Variants in DLG2 observed in about 807,000 individuals in gnomAD.
DLG2 encodes the protein discs large MAGUK scaffold protein 2, also known as disks large homolog 2.
Under a neutral mutation model 132.5 loss-of-function variants are expected in DLG2, and 45 were observed. That is an observed-to-expected ratio of 0.34 (90% confidence interval 0.27 to 0.44). The LOEUF is 0.44. Among genes scored for constraint, DLG2 ranks in the 20% least tolerant of loss-of-function variants. The pLI is 1.00. For synonymous variants in DLG2, 424 were observed against 419.6 expected (o/e 1.01, Z -0.13); for missense variants, 1,045 against 1,196.9 (o/e 0.87, Z 1.87).
chr11:84,185,468 T>G (rs1164935816), intron 8 of DLG2, among the ~76,000 whole-genome samples: 2 of 152,226 alleles, frequency 1.3e-5, no homozygotes, highest in African/African-American at 4.8e-5. Context: ...AAGGAGATTT[T>G]GGGCTGAGAC....
chr11:85,141,976 A>G (rs2076516396), intron 5 of DLG2, among the ~76,000 whole-genome samples: 2 of 151,954 alleles, frequency 1.3e-5, no homozygotes, highest in African/African-American at 4.8e-5. Flanking sequence ...TATAATTTAA[A>G]GTCAGGTAAT....
At chr11:83,998,590 A>C (rs1318668563) in intron 11 of DLG2, among the ~76,000 whole-genome samples, 2 of 152,210 alleles carry the variant, frequency 1.3e-5, no homozygotes, top group Non-Finnish European at 2.9e-5. Flanking sequence ...TTAGTGGTCC[A>C]CATTCCCACT....
chr11:85,154,130 T>A (rs1007826006), intron 5 of DLG2, among the ~76,000 whole-genome samples: 3 of 137,536 alleles, frequency 2.2e-5, no homozygotes, highest in Middle Eastern at 3.7e-3. Flanking sequence ...CTCTCTTCTT[T>A]TGGAGAAAAA....
At chr11:83,704,957 T>C (rs937893229) in intron 18 of DLG2, among the ~76,000 whole-genome samples, 1 of 152,208 alleles carries the variant, frequency 6.6e-6, no homozygotes, top group Non-Finnish European at 1.5e-5. Context: ...ATCATTTGTA[T>C]CCCAAATCTC....
intron 8 of DLG2, among the ~76,000 whole-genome samples, chr11:84,241,674 T>C (rs991485732): frequency 6.6e-6 from 1 of 152,190 alleles, no homozygotes; most frequent in Non-Finnish European, 1.5e-5. Context: ...GCCTTAGATA[T>C]GTTTATTTTG....
intron 4 of DLG2, among the ~76,000 whole-genome samples, chr11:85,199,037 T>A (rs1243942857): frequency 6.6e-6 from 1 of 152,196 alleles, no homozygotes; most frequent in Admixed American, 6.5e-5. Context: ...ATGCCTATTT[T>A]AGGACCCCCA....
intron 2 of DLG2, among the ~76,000 whole-genome samples, chr11:85,600,901 C>A (rs1169149257): frequency 2.0e-5 from 3 of 152,240 alleles, no homozygotes; most frequent in African/African-American, 7.2e-5. Context: ...TTCTTATCAG[C>A]AAAACAATAA....
chr11:85,404,984 C>G (rs2088577703), intron 3 of DLG2, among the ~76,000 whole-genome samples: 1 of 151,926 alleles, frequency 6.6e-6, no homozygotes, highest in Non-Finnish European at 1.5e-5. Context: ...TGAAGTTCCA[C>G]AGATACTGTA....
intron 6 of DLG2, among the ~76,000 whole-genome samples, chr11:84,877,899 G>C (rs1377157618): frequency 2.6e-5 from 4 of 152,060 alleles, no homozygotes; most frequent in African/African-American, 9.7e-5. Context: ...AAAAGTGGGA[G>C]AAGAATATAA....
At chr11:85,530,918 T>C (rs2075161899) in intron 3 of DLG2, among the ~76,000 whole-genome samples, 1 of 152,212 alleles carries the variant, frequency 6.6e-6, no homozygotes, top group Non-Finnish European at 1.5e-5. Flanking sequence ...CTTAGTTGTA[T>C]AATAATTTCC....
At chr11:84,692,578 C>T (rs1318093015) in intron 6 of DLG2, among the ~76,000 whole-genome samples, 2 of 151,576 alleles carry the variant, frequency 1.3e-5, no homozygotes, top group African/African-American at 2.4e-5. Flanking sequence ...CTTTATGGCC[C>T]AGGTCAATTG....
chr11:84,480,361 G>A (rs1168553075), intron 7 of DLG2, among the ~76,000 whole-genome samples: 2 of 152,086 alleles, frequency 1.3e-5, no homozygotes, highest in African/African-American at 4.8e-5. Context: ...TTAGGGATAA[G>A]ACTGTTTAAT....
chr11:84,311,588 C>T (rs2098287651), intron 7 of DLG2, among the ~76,000 whole-genome samples: 1 of 152,176 alleles, frequency 6.6e-6, no homozygotes, highest in Non-Finnish European at 1.5e-5. Context: ...ACTATTAGTA[C>T]TGGATGAGAT....
At chr11:84,020,409 C>T (rs982723467) in intron 11 of DLG2, among the ~76,000 whole-genome samples, 2 of 152,028 alleles carry the variant, frequency 1.3e-5, no homozygotes, top group Non-Finnish European at 2.9e-5. Context: ...TACATACATA[C>T]AAACAGGTAT....
intron 6 of DLG2, among the ~76,000 whole-genome samples, chr11:84,612,339 T>C (rs2099596936): frequency 6.6e-6 from 1 of 152,114 alleles, no homozygotes; most frequent in Non-Finnish European, 1.5e-5. Flanking sequence ...TTGATATATA[T>C]TTGGGTATTT....
chr11:83,961,634 T>A (rs752734967), intron 14 of DLG2, among the ~76,000 whole-genome samples: 5 of 152,012 alleles, frequency 3.3e-5, no homozygotes, highest in Non-Finnish European at 7.4e-5. Flanking sequence ...GGGGCTTGAA[T>A]AAATGTTAAT....
At chr11:84,062,601 T>A (rs2096608273) in intron 10 of DLG2, among the ~76,000 whole-genome samples, 1 of 152,210 alleles carries the variant, frequency 6.6e-6, no homozygotes, top group Non-Finnish European at 1.5e-5. Context: ...ATGGATCCCA[T>A]TTTAAAGACA....
intron 7 of DLG2, among the ~76,000 whole-genome samples, chr11:84,511,535 A>C (rs2099256995): frequency 6.6e-6 from 1 of 152,194 alleles, no homozygotes; most frequent in Admixed American, 6.5e-5. Flanking sequence ...TAGGTTCCAC[A>C]AAAATTTCCA....
intron 8 of DLG2, among the ~76,000 whole-genome samples, chr11:84,224,395 C>T (rs1281127755): frequency 2.0e-5 from 3 of 152,140 alleles, no homozygotes; most frequent in South Asian, 2.1e-4. Flanking sequence ...TTCTACTTCA[C>T]ATTTTTCTTA....
Sources: allele counts gnomAD v4.1 joint callset (sites outside exome capture counted in the v4.1 genomes callset), GRCh38; gene constraint gnomAD v4.1.1; transcripts MANE v1.5; gene names NCBI Gene and HGNC (gene_info 2026-07-23, HGNC 2026-07-21).